Variants in MTERF4 observed in about 807,000 individuals in gnomAD.
The protein encoded by MTERF4 is mitochondrial transcription termination factor 4.
MTERF4 carries 17 observed loss-of-function variants against 22.5 expected under a neutral mutation model. The ratio of observed to expected loss-of-function variants is 0.75; its 90% CI spans 0.52 to 1.13. The LOEUF (loss-of-function observed/expected upper bound fraction) is 1.13, where lower values mean the gene tolerates loss of function less well. Ranked by LOEUF, MTERF4 falls within the 50% of genes most tolerant of loss-of-function variation. The probability of loss-of-function intolerance (pLI) is 0.00; values close to 1 mark genes in which losing one functional copy is unlikely to be tolerated. For synonymous variants in MTERF4, 165 were observed against 175.3 expected (o/e 0.94, Z 0.47); for missense variants, 420 against 466.8 (o/e 0.90, Z 0.92).
chr2:241,077,332 T>C (rs911078192), intron 4 of MTERF4, among the ~76,000 whole-genome samples: 13 of 152,150 alleles, frequency 8.5e-5, no homozygotes, highest in East Asian at 3.8e-4. Flanking sequence ...GAAGAAAACA[T>C]AGGAGTAAAT....
the MTERF4 span, among the ~76,000 whole-genome samples, chr2:241,053,565 C>T: frequency 2.0e-5 from 3 of 152,180 alleles, no homozygotes; most frequent in East Asian, 1.9e-4. Context: ...CAGAGCAGCC[C>T]GGAGCAGGAG....
At chr2:241,059,870 C>T in the MTERF4 span, among the ~76,000 whole-genome samples, 2 of 152,134 alleles carry the variant, frequency 1.3e-5, no homozygotes, top group Non-Finnish European at 2.9e-5. Context: ...CCATTCAGTA[C>T]GTATTCCCAG....
chr2:241,087,288 C>A, downstream of MTERF4: 3 of 1,076,582 alleles, frequency 2.8e-6, no homozygotes, highest in South Asian at 1.7e-5. Flanking sequence ...CAGTTTTTCC[C>A]TCAAACACCT....
In MTERF4 at chr2:241,102,245, G is replaced by T; in HGVS notation, c.21+8C>A. 5 of 1,549,298 alleles carry T rather than the reference G, an allele frequency of 3.2e-6. No homozygotes were observed. The highest frequency in any genetic ancestry group is 4.4e-6 in the Non-Finnish European group (5 of 1,146,098). On this transcript the variant is annotated splice_region_variant and intron_variant, in intron 1 of 3. Coordinates refer to ENST00000391980, the MANE Select transcript of MTERF4 (RefSeq NM_182501.4). ...CCGGAGAAGCCCGCGCGCCCAGCTC[G>T]AGCTTACCTGACGGCCGAACGCAGC...
rs554989644 is a variant in MTERF4, at chr2:241,080,929, C to T, written n.480-5247G>A. ...ACTCTCCAGCTGGTGAGGGCAGGAG[C>T]GACAGGGACAGACACAGGTCTGTGA... is the stretch of plus-strand genomic sequence containing the variant. On this transcript the variant is annotated intron_variant and non_coding_transcript_variant, in intron 4 of 4. Coordinates refer to the MTERF4 transcript ENST00000464344. 9.2e-5 allele frequency among the ~76,000 whole-genome samples: 14 copies of T among 152,330 alleles called. No homozygotes were observed. The South Asian group carries it at 2.7e-3, about 29-fold the overall frequency.
the MTERF4 span, among the ~76,000 whole-genome samples, chr2:241,050,753 A>G: frequency 6.6e-6 from 1 of 152,242 alleles, no homozygotes; most frequent in East Asian, 1.9e-4. Context: ...GAGGCCCTTC[A>G]TGGGCCCTGC....
At chr2:241,053,131 G>C in the MTERF4 span, 1 of 1,601,566 alleles carries the variant, frequency 6.2e-7, no homozygotes, top group Middle Eastern at 1.9e-4. Context: ...GACCGTGCGA[G>C]ACAGGCTGCC....
At chr2:241,063,533 G>T in the MTERF4 span, 2 of 1,199,654 alleles carry the variant, frequency 1.7e-6, no homozygotes, top group Non-Finnish European at 2.4e-6. Flanking sequence ...CTGGGGGCAT[G>T]TGGGCGCCTC....
At chr2:241,053,840 C>G in the MTERF4 span, among the ~76,000 whole-genome samples, 1 of 152,230 alleles carries the variant, frequency 6.6e-6, no homozygotes, top group Non-Finnish European at 1.5e-5. Context: ...CTCCCTCTGA[C>G]CGAAGCCCCT....
chr2:241,102,149 G>A, intron 1 of MTERF4, 104 bp downstream of exon 1: 1 of 1,493,400 alleles, frequency 6.7e-7, no homozygotes. Context: ...CCTCCGGGAG[G>A]GCTCCACGAC....
the MTERF4 span, among the ~76,000 whole-genome samples, chr2:241,058,653 A>C: frequency 6.6e-6 from 1 of 152,230 alleles, no homozygotes. Flanking sequence ...TTTCCTTGAA[A>C]AGATCATTAA....
chr2:241,051,880 G>C, the MTERF4 span: 70 of 1,523,524 alleles, frequency 4.6e-5, no homozygotes, highest in Middle Eastern at 1.7e-4. The surrounding 1 kb of genome is among the most constrained non-coding windows in gnomAD (Gnocchi z 4.7). Context: ...CCAGGGGCAG[G>C]GGGGAGGGCA....
intron 2 of MTERF4, 76 bp downstream of exon 2, chr2:241,099,320 C>T (rs1213915737): frequency 3.1e-5 from 47 of 1,500,638 alleles, no homozygotes; most frequent in Non-Finnish European, 4.0e-5. Context: ...AGTGATCTGC[C>T]TGCCTCGGCC....
chr2:241,059,654 T>C, the MTERF4 span, among the ~76,000 whole-genome samples: 5 of 152,254 alleles, frequency 3.3e-5, no homozygotes, highest in African/African-American at 1.2e-4. Context: ...ATGTACTTCA[T>C]CATATTAGGA....
At chr2:241,049,994 C>A in the MTERF4 span, 3 of 1,209,714 alleles carry the variant, frequency 2.5e-6, no homozygotes, top group Non-Finnish European at 3.7e-6. Context: ...CGCGGTCCGC[C>A]GTCCTGCTTC....
chr2:241,050,828 A>AGG, the MTERF4 span, among the ~76,000 whole-genome samples: 360 of 151,654 alleles, frequency 2.4e-3, 1 homozygote, highest in African/African-American at 8.3e-3. Context: ...ACTGTACCCA[A>AGG]GGTGGGGGTC....
chr2:241,093,222 G>C (rs897932661), downstream of MTERF4: 2 of 152,634 alleles, frequency 1.3e-5, no homozygotes, highest in African/African-American at 4.8e-5. Context: ...TCAGCGAAGG[G>C]TCACTGGGTG....
chr2:241,072,002 AC>A, downstream of MTERF4: 1 of 866,154 alleles, frequency 1.2e-6, no homozygotes. Flanking sequence ...CCAGCCAGTG[AC>A]CCCCACCCCG....
downstream of MTERF4, chr2:241,067,710 C>T: frequency 6.7e-7 from 1 of 1,495,780 alleles, no homozygotes; most frequent in East Asian, 2.3e-5. Context: ...AGCCCCTGCA[C>T]TCCCCCAGGA....
Sources: allele counts gnomAD v4.1 joint callset (sites outside exome capture counted in the v4.1 genomes callset), GRCh38; gene constraint gnomAD v4.1.1; non-coding constraint Gnocchi (gnomAD v3.1); transcripts MANE v1.5; gene names NCBI Gene and HGNC (gene_info 2026-07-23, HGNC 2026-07-21).